The following UMODL1 variants were observed in gnomAD, a reference collection of about 807,000 sequenced individuals.
UMODL1 encodes the protein uromodulin like 1.
UMODL1 carries 128 observed loss-of-function variants against 136.3 expected under a neutral mutation model. The observed-to-expected ratio is 0.94, with a 90% confidence interval of 0.81 to 1.09. The LOEUF (loss-of-function observed/expected upper bound fraction) is 1.09. Among genes scored for constraint, UMODL1 ranks in the 50% least tolerant of loss-of-function variants. The probability of loss-of-function intolerance (pLI) is 0.00; values close to 1 mark genes in which losing one functional copy is unlikely to be tolerated. For missense variants in UMODL1, 1,766 were observed against 1,725.6 expected (o/e 1.02, Z -0.41); for synonymous variants, 721 against 720.0 (o/e 1.00, Z -0.02).
At chr21:42,118,723 C>T (rs964781807) in intron 14 of UMODL1, among the ~76,000 whole-genome samples, 3 of 152,136 alleles carry the variant, frequency 2.0e-5, no homozygotes, top group African/African-American at 7.2e-5. Flanking sequence ...CGACCCTGCA[C>T]TCAGCCCCCT....
At chr21:42,096,885 A>G (rs73905543) in intron 6 of UMODL1, among the ~76,000 whole-genome samples, 4,177 of 152,300 alleles carry the variant, frequency 0.027, 188 homozygotes, top group African/African-American at 0.095. Flanking sequence ...TTTGGAAAAG[A>G]AATTGTAGCC....
chr21:42,081,525 G>A (rs913847531), intron 2 of UMODL1, among the ~76,000 whole-genome samples: 1 of 152,202 alleles, frequency 6.6e-6, no homozygotes, highest in Admixed American at 6.5e-5. Flanking sequence ...GGGGCTTCCC[G>A]GCAGTAGCCA....
rs910789019 is a variant in UMODL1 at position 42,129,912 on chromosome 21, A to C, written c.3775+115A>C. The C allele has an allele frequency of 4.0e-6, 3 of 759,236 alleles. No individual in the cohort carries two copies. The Admixed American group carries it at 9.6e-5, about 24-fold the overall frequency. 47.0% of individuals were successfully genotyped at this position (759,236 alleles called of 1,614,324 possible). A position where few individuals can be genotyped will look rare whatever the true frequency, so the allele number is the denominator to read the frequency against. The stretch of plus-strand genomic sequence containing the variant: ...AATGCAGAACTCTTGAGAGACTTCT[A>C]AGAGGCTTATCATAACAGAAATACT... On this transcript the variant is annotated intron_variant, in intron 21 of 22. Coordinates refer to ENST00000408910, the MANE Select transcript of UMODL1 (RefSeq NM_001004416.3).
At chr21:42,100,011 G>A (rs2066607385) in intron 7 of UMODL1, among the ~76,000 whole-genome samples, 2 of 152,190 alleles carry the variant, frequency 1.3e-5, no homozygotes, top group Admixed American at 1.3e-4. Flanking sequence ...TGGCCCATCT[G>A]GGTCTGTCCC....
intron 6 of UMODL1, among the ~76,000 whole-genome samples, chr21:42,095,529 T>G (rs1215254426): frequency 6.6e-6 from 1 of 152,182 alleles, no homozygotes; most frequent in Non-Finnish European, 1.5e-5. Context: ...GTGATTGCAT[T>G]TAGGGTGTAC....
Position 42,085,409 on chromosome 21 carries a change from C to T in UMODL1, c.600C>T (p.Ser200=). 1 of 1,613,872 alleles carries T rather than the reference C, an allele frequency of 6.2e-7. No homozygotes were observed. The highest frequency in any genetic ancestry group is 8.5e-7 in the Non-Finnish European group (1 of 1,179,918). Residue 200 remains serine, a synonymous_variant, in exon 4 of 23, where the codon TCC becomes TCT. Transcript: ENST00000408910. This position sits in a 1 kb window ranked among gnomAD's most constrained non-coding sequence, Gnocchi z 4.5. ...TGAACCACATGCGCCTTCTGCATTC[C>T]TTGGTAGGTGAGACAGACGGGGGCT... ...RLLNHMRLLH[S]LVTSALQPMA... is the part of the protein sequence containing the mutation.
At chr21:42,104,430 C>A (rs1359251139) in intron 9 of UMODL1, among the ~76,000 whole-genome samples, 3 of 151,268 alleles carry the variant, frequency 2.0e-5, no homozygotes, top group Non-Finnish European at 4.4e-5. Flanking sequence ...TTTTTCTTTT[C>A]TTTTTTTTCT....
intron 1 of UMODL1, among the ~76,000 whole-genome samples, chr21:42,063,878 C>T (rs1055084011): frequency 3.9e-5 from 6 of 152,202 alleles, no homozygotes; most frequent in Non-Finnish European, 8.8e-5. Flanking sequence ...AGCAAACCAC[C>T]CACTTCTGCC....
chr21:42,095,038 T>C (rs1026098528), intron 6 of UMODL1, among the ~76,000 whole-genome samples: 2 of 149,984 alleles, frequency 1.3e-5, no homozygotes, highest in Admixed American at 6.7e-5. Flanking sequence ...CTCTGGTGGC[T>C]GCCGGCATTC....
Position 42,111,631 on chromosome 21 carries a change from A to G in UMODL1, c.2025A>G (p.Arg675=). 4 of 1,614,144 alleles carry G rather than the reference A, an allele frequency of 2.5e-6. No homozygotes were observed. Among genetic ancestry groups the G allele is most frequent in the Non-Finnish European group, 3.4e-6 (4 of 1,180,010 alleles). ...RETLLNPTWL[R]NEDSGPSGSV... The stretch of plus-strand genomic sequence containing the variant: ...CACTTCTGAATCCCACGTGGCTGCG[A>G]AATGAGGACAGTGGACCCTCCGGTT... Residue 675 remains arginine (R), a synonymous_variant, in exon 12 of 23, where the codon CGA becomes CGG. Coordinates refer to ENST00000408910, the MANE Select transcript of UMODL1 (RefSeq NM_001004416.3).
chr21:42,102,190 TAA>T lies in UMODL1; in HGVS notation c.1213_1214del (p.Lys405AspfsTer23). 4 of 1,613,528 alleles carry T rather than the reference TAA, an allele frequency of 2.5e-6. No homozygotes were observed. The highest frequency in any genetic ancestry group is 3.4e-6 in the Non-Finnish European group (4 of 1,179,646). ...GATGCCCAGGTATTTGAAGTCACAA[TAA>T]AGATTGTAAACCACAACCTGACGGA... On this transcript the variant is annotated frameshift_variant, in exon 8 of 23. Transcript: ENST00000408910. LOFTEE classifies it high-confidence loss of function.
intron 2 of UMODL1, among the ~76,000 whole-genome samples, chr21:42,078,974 T>C (rs541846039): frequency 9.1e-4 from 139 of 152,294 alleles, no homozygotes; most frequent in African/African-American, 2.7e-3. Context: ...TCCTAGGGGA[T>C]AGCGGGGGGC....
At chr21:42,076,999 AGG>A (rs1555918359) in intron 2 of UMODL1, among the ~76,000 whole-genome samples, 5 of 76,186 alleles carry the variant, frequency 6.6e-5, no homozygotes, top group Non-Finnish European at 1.1e-4. Context: ...CTTCCAGGGG[AGG>A]GGTGTGTGTG....
intron 1 of UMODL1, among the ~76,000 whole-genome samples, chr21:42,065,937 C>T (rs1348028377): frequency 6.6e-6 from 1 of 152,228 alleles, no homozygotes; most frequent in Admixed American, 6.5e-5. Context: ...AGCCAGGTCC[C>T]AGGACCCAGA....
chr21:42,105,796 G>A (rs191791718), intron 9 of UMODL1, among the ~76,000 whole-genome samples: 4 of 152,070 alleles, frequency 2.6e-5, no homozygotes, highest in East Asian at 1.9e-4. Flanking sequence ...CTTCGCCTCC[G>A]GAACGGCGGG....
chr21:42,100,511 G>A (rs2066613901), intron 7 of UMODL1, among the ~76,000 whole-genome samples: 1 of 151,978 alleles, frequency 6.6e-6, no homozygotes, highest in African/African-American at 2.4e-5. Flanking sequence ...GCCCTCCACT[G>A]TGCACGCGGC....
intron 15 of UMODL1, 41 bp downstream of exon 15, chr21:42,119,365 C>T: frequency 6.4e-7 from 1 of 1,566,866 alleles, no homozygotes; most frequent in Non-Finnish European, 8.7e-7. Flanking sequence ...TGTTCTGGAA[C>T]CAGAGGCAGC....
intron 5 of UMODL1, among the ~76,000 whole-genome samples, chr21:42,088,871 CT>C (rs1430555623): frequency 7.2e-5 from 11 of 152,162 alleles, no homozygotes; most frequent in Non-Finnish European, 1.5e-4. Context: ...CTTTGGTTTC[CT>C]AAATTTCCCT....
chr21:42,137,561 G>T lies in UMODL1; in HGVS notation c.3898G>T (p.Gly1300Trp), dbSNP rs777098588. The T allele has an allele frequency of 2.8e-5, 45 of 1,614,090 alleles. No homozygotes were observed. In the Middle Eastern group the frequency reaches 9.9e-4, roughly 35 times the overall value. The change falls in exon 22 of 23, where the codon GGG becomes TGG. Residue 1300 changes from glycine to tryptophan, a missense_variant. Physicochemically the swap from Gly to Trp is radical, Grantham distance 184. Coordinates refer to ENST00000408910, the MANE Select transcript of UMODL1 (RefSeq NM_001004416.3). The stretch of plus-strand genomic sequence containing the variant: ...GATCGTGCGCTACCAGAGAATGAAT[G>T]GGAGATACAACTTTAAAATCCAGTC... ...LLIVRYQRMN[G>W]RYNFKIQSNN...
Sources: gnomAD v4.1 joint callset for allele counts (sites outside exome capture counted in the v4.1 genomes callset) on GRCh38, gnomAD v4.1.1 for gene constraint, Gnocchi (gnomAD v3.1) non-coding constraint, MANE v1.5 for transcripts, NCBI Gene and HGNC (gene_info 2026-07-23, HGNC 2026-07-21) for gene names.